The following TDRD10 variants were observed in gnomAD, a reference collection of about 807,000 sequenced individuals.
TDRD10 encodes the protein tudor domain-containing protein 10.
TDRD10 carries 40 observed loss-of-function variants against 48.0 expected under a neutral mutation model. The observed-to-expected ratio is 0.83, with a 90% CI of 0.65 to 1.09. The LOEUF is 1.09. TDRD10 is among the 50% of genes least tolerant of loss of function. The pLI is 0.00. For synonymous variants in TDRD10, 162 were observed against 170.4 expected (o/e 0.95, Z 0.38); for missense variants, 378 against 434.7 (o/e 0.87, Z 1.16).
Position 154,521,442 on chromosome 1 carries a change from G to A in TDRD10, c.332G>A (p.Arg111Lys). ...FVNTSKRPPKRTPDMIQQPRA... is the reference protein window; with the variant it reads ...FVNTSKRPPKKTPDMIQQPRA... ...AATACAAGCAAAAGGCCCCCCAAGA[G>A]GACCCCTGATATGATCCAGCAGCCT... The change falls in exon 6 of 13, where the codon AGG becomes AAG. Residue 111 changes from arginine (R) to lysine (K), a missense_variant. By Grantham distance (26) the Arg-to-Lys change is conservative. Around this residue, in one of 2 missense-constraint regions of TDRD10, gnomAD observed 310 missense variants for 323.6 expected, o/e 0.96. Coordinates refer to ENST00000368482, the MANE Select transcript of TDRD10 (RefSeq NM_182499.4). The A allele has an allele frequency of 6.2e-7, 1 of 1,614,110 alleles. No homozygotes were observed. Among genetic ancestry groups the A allele is most frequent in the Non-Finnish European group, 8.5e-7 (1 of 1,180,036 alleles).
Position 154,544,959 on chromosome 1 carries a change from C to A in TDRD10, c.952+10C>A, listed in dbSNP as rs764547030. On this transcript the variant is annotated intron_variant, in intron 11 of 12. Transcript: ENST00000368482. ...TTCATGCTGGAGAAAGGTGAGACAT[C>A]TTCTATCTTCCTCCCAAGGGTTTCA... is the stretch of plus-strand genomic sequence containing the variant. The A allele has an allele frequency of 6.2e-7, 1 of 1,613,294 alleles. No individual in the cohort carries two copies. Among genetic ancestry groups the A allele is most frequent in the Non-Finnish European group, 8.5e-7 (1 of 1,179,550 alleles).
chr1:154,531,336 T>G lies in TDRD10; in HGVS notation c.369+9857T>G, dbSNP rs1158078089. 7.9e-5 allele frequency among the ~76,000 whole-genome samples: 12 copies of G among 152,336 alleles called. No homozygotes were observed. In the East Asian group the frequency reaches 1.3e-3, roughly 17 times the overall value. On this transcript the variant is annotated intron_variant, in intron 6 of 12. Transcript: ENST00000368482. ...GGAATTGGTGGGTTCTTGGTCTCAC[T>G]GACTTCAAGAATGAAGCCGCGGACC... is the stretch of plus-strand genomic sequence containing the variant.
chr1:154,539,026 T>C (rs12136771), intron 6 of TDRD10, among the ~76,000 whole-genome samples: 77,122 of 152,072 alleles, frequency 0.51, 22,707 homozygotes, highest in East Asian at 0.76. Context: ...CTGTTAACTC[T>C]CCTGTTCTGC....
At chr1:154,504,262 A>T (rs1467881856) in intron 1 of TDRD10, among the ~76,000 whole-genome samples, 1 of 152,234 alleles carries the variant, frequency 6.6e-6, no homozygotes, top group Non-Finnish European at 1.5e-5. Context: ...CACTTTATTC[A>T]TTCATCAGTT....
rs993353447 is a variant in TDRD10, at chr1:154,529,874, C to T, written c.369+8395C>T. On this transcript the variant is annotated intron_variant, in intron 6 of 12. Coordinates refer to ENST00000368482, the MANE Select transcript of TDRD10 (RefSeq NM_182499.4). ...TCTTACTTTGTAATGTCCCAAAGTT[C>T]TACCTTTTATCATTTCTTTACTGTT... Among the ~76,000 whole-genome samples the T allele has an allele frequency of 2.1e-4, 32 of 152,292 alleles. 1 individual carries two copies. Among genetic ancestry groups the T allele is most frequent in the Admixed American group, 1.5e-3 (23 of 15,290 alleles).
chr1:154,529,638 C>T (rs538805867), intron 6 of TDRD10, among the ~76,000 whole-genome samples: 3 of 151,428 alleles, frequency 2.0e-5, no homozygotes, highest in Non-Finnish European at 4.4e-5. Flanking sequence ...CTCCGCCTCC[C>T]AGGTTCAAGT....
rs1428977836 is a variant in TDRD10 at position 154,502,904 on chromosome 1, C to CG, written c.-149dup. 1.3e-5 allele frequency: 2 copies of CG among 152,314 alleles called. No homozygotes were observed. Among genetic ancestry groups the CG allele is most frequent in the Non-Finnish European group, 1.5e-5 (1 of 68,124 alleles). 9.4% of individuals were successfully genotyped at this position (152,314 alleles called of 1,614,324 possible). On this transcript the variant is annotated 5_prime_UTR_variant, in exon 1 of 13. Transcript: ENST00000368482. ...GCGAGGCTCTTCCCGCCGTGGCCGC[C>CG]GGGGATTGGCTGCCGGCAAGCCCCG... is the stretch of plus-strand genomic sequence containing the variant.
intron 6 of TDRD10, among the ~76,000 whole-genome samples, chr1:154,531,497 G>A (rs565854925): frequency 2.0e-5 from 3 of 152,224 alleles, no homozygotes; most frequent in Admixed American, 6.6e-5. Flanking sequence ...GCAGACCTTC[G>A]CAGTGAGTGT....
In TDRD10 at chr1:154,544,718, A is replaced by G; in HGVS notation, c.798-77A>G. 7 of 1,555,440 alleles carry G rather than the reference A, an allele frequency of 4.5e-6. No individual in the cohort carries two copies. The South Asian group carries it at 8.6e-5, about 19-fold the overall frequency. On this transcript the variant is annotated intron_variant, in intron 10 of 12. Coordinates refer to ENST00000368482, the MANE Select transcript of TDRD10 (RefSeq NM_182499.4). Reference sequence around the variant, plus strand: ...TCCTCCCTCCTACCTCCACTTTCACATCCACTTTGTTGAGGACTGCTGTGC... The same window carrying G: ...TCCTCCCTCCTACCTCCACTTTCACGTCCACTTTGTTGAGGACTGCTGTGC...
At position 154,547,868 on chromosome 1, in the gene TDRD10, C is replaced by A; in HGVS notation, c.*158C>A. The A allele has an allele frequency of 2.5e-6, 2 of 792,126 alleles. No individual in the cohort carries two copies. The highest frequency in any genetic ancestry group is 4.1e-6 in the Non-Finnish European group (2 of 489,358). 49.1% of individuals were successfully genotyped at this position (792,126 alleles called of 1,614,324 possible). On this transcript the variant is annotated 3_prime_UTR_variant, in exon 13 of 13. Coordinates refer to ENST00000368482, the MANE Select transcript of TDRD10 (RefSeq NM_182499.4). ...AATTTTGCTTTTACTCCCAGCTTCCCTCTCAAAAGAGAGTGAAGTCTCATT... is the reference window on the plus strand; with the variant it reads ...AATTTTGCTTTTACTCCCAGCTTCCATCTCAAAAGAGAGTGAAGTCTCATT...
intron 4 of TDRD10, among the ~76,000 whole-genome samples, chr1:154,509,494 C>T (rs1056550295): frequency 3.9e-5 from 6 of 152,104 alleles, no homozygotes; most frequent in African/African-American, 2.4e-5. Flanking sequence ...GGTCACGTCC[C>T]GCAGCTAAGT....
At chr1:154,546,112 C>T (rs1010870683) in intron 11 of TDRD10, among the ~76,000 whole-genome samples, 5 of 147,278 alleles carry the variant, frequency 3.4e-5, no homozygotes, top group Non-Finnish European at 6.0e-5. Context: ...CTTGCTCTGT[C>T]GCCCAGGCTG....
intron 6 of TDRD10, among the ~76,000 whole-genome samples, chr1:154,532,319 C>T (rs193040887): frequency 1.1e-4 from 17 of 152,356 alleles, no homozygotes; most frequent in South Asian, 6.2e-4. Flanking sequence ...GTGCACCCTC[C>T]GCAGCTGCTG....
chr1:154,506,942 T>A, intron 2 of TDRD10, 37 bp downstream of exon 2: 3 of 1,614,182 alleles, frequency 1.9e-6, no homozygotes, highest in Non-Finnish European at 2.5e-6. Context: ...CAAGCCTCGC[T>A]CCATCCCCCA....
chr1:154,534,161 T>G (rs1694801060), intron 6 of TDRD10, among the ~76,000 whole-genome samples: 1 of 152,186 alleles, frequency 6.6e-6, no homozygotes, highest in South Asian at 2.1e-4. Flanking sequence ...CTGTGGCTGC[T>G]TCCTCACTAC....
chr1:154,503,763 C>G (rs1227754939), intron 1 of TDRD10, among the ~76,000 whole-genome samples: 1 of 152,164 alleles, frequency 6.6e-6, no homozygotes, highest in Non-Finnish European at 1.5e-5. Flanking sequence ...TGTGGACGGC[C>G]TCATTTGTGT....
At chr1:154,511,772 C>T (rs764031701) in intron 4 of TDRD10, among the ~76,000 whole-genome samples, 4 of 152,030 alleles carry the variant, frequency 2.6e-5, no homozygotes, top group African/African-American at 9.7e-5. Context: ...CACTTCAACC[C>T]GGGAGCTGGA....
chr1:154,544,957 A>G lies in TDRD10; in HGVS notation c.952+8A>G, dbSNP rs1695469017. 1 of 1,613,438 alleles carries G rather than the reference A, an allele frequency of 6.2e-7. No homozygotes were observed. The highest frequency in any genetic ancestry group is 2.2e-5 in the East Asian group (1 of 44,890). ...CATTCATGCTGGAGAAAGGTGAGAC[A>G]TCTTCTATCTTCCTCCCAAGGGTTT... On this transcript the variant is annotated splice_region_variant and intron_variant, in intron 11 of 12. Coordinates refer to ENST00000368482, the MANE Select transcript of TDRD10 (RefSeq NM_182499.4).
intron 4 of TDRD10, chr1:154,510,007 C>T (rs116023644): frequency 8.5e-6 from 3 of 354,104 alleles, no homozygotes; most frequent in South Asian, 1.1e-4. Flanking sequence ...TTGTCCCCTT[C>T]GCAGAAAGCG....
Sources: gnomAD v4.1 joint callset for allele counts (sites outside exome capture counted in the v4.1 genomes callset) on GRCh38, gnomAD v4.1.1 for gene constraint, gnomAD v4.1.1 regional missense constraint, MANE v1.5 for transcripts, NCBI Gene and HGNC (gene_info 2026-07-23, HGNC 2026-07-21) for gene names.